HECW1: variants seen among roughly 807,000 people sequenced by gnomAD.
The protein encoded by HECW1 is HECT, C2 and WW domain containing E3 ubiquitin protein ligase 1, also known as E3 ubiquitin-protein ligase HECW1.
HECW1 carries 61 observed loss-of-function variants against 182.3 expected under a neutral mutation model. That is an observed-to-expected ratio of 0.33 (90% CI 0.27 to 0.41). HECW1 has a LOEUF of 0.41. HECW1 is among the 10% of genes least tolerant of loss of function. The probability of loss-of-function intolerance (pLI) is 1.00; values close to 1 mark genes in which losing one functional copy is unlikely to be tolerated. For missense variants in HECW1, 1,739 were observed against 2,108.9 expected (o/e 0.82, Z 3.44); for synonymous variants, 859 against 832.6 (o/e 1.03, Z -0.55).
intron 3 of HECW1, among the ~76,000 whole-genome samples, chr7:43,253,270 C>T (rs182584710): frequency 1.4e-4 from 21 of 152,246 alleles, no homozygotes; most frequent in African/African-American, 4.6e-4. Flanking sequence ...GAGAACTGAA[C>T]GGTAGCATGA....
chr7:43,379,539 C>T (rs920504497), intron 6 of HECW1, among the ~76,000 whole-genome samples: 4 of 152,186 alleles, frequency 2.6e-5, no homozygotes, highest in Non-Finnish European at 2.9e-5. Flanking sequence ...CAGAACTCTC[C>T]AGTGGCTTTT....
At chr7:43,266,057 G>A (rs973217938) in intron 3 of HECW1, among the ~76,000 whole-genome samples, 1 of 152,104 alleles carries the variant, frequency 6.6e-6, no homozygotes, top group Non-Finnish European at 1.5e-5. Context: ...GTTTTTTATG[G>A]AGGCTGCATT....
At chr7:43,249,333 G>C (rs1369524167) in intron 3 of HECW1, 1 of 152,466 alleles carries the variant, frequency 6.6e-6, no homozygotes, top group Non-Finnish European at 1.5e-5. Context: ...ACCACGCCGT[G>C]CGGGCTGCGA....
intron 6 of HECW1, among the ~76,000 whole-genome samples, chr7:43,362,753 G>A (rs1816126192): frequency 6.6e-6 from 1 of 152,262 alleles, no homozygotes; most frequent in Non-Finnish European, 1.5e-5. Context: ...ACAACAGGCA[G>A]AGAAGGAAGG....
chr7:43,341,425 G>T (rs1359848582), intron 5 of HECW1, among the ~76,000 whole-genome samples: 1 of 151,580 alleles, frequency 6.6e-6, no homozygotes, highest in Non-Finnish European at 1.5e-5. Context: ...ACATTAACAT[G>T]GGATTTATTC....
chr7:43,286,097 G>A (rs547800065), intron 3 of HECW1, among the ~76,000 whole-genome samples: 2 of 152,306 alleles, frequency 1.3e-5, no homozygotes, highest in Admixed American at 6.5e-5. Flanking sequence ...AAGCCAGAGG[G>A]TAAGTACATT....
chr7:43,501,176 TTTCTTTC>T, intron 20 of HECW1, 30 bp from the exon 21 acceptor site: 1 of 1,242,972 alleles, frequency 8.0e-7, no homozygotes. Context: ...CTGACTTTCT[TTTCTTTC>T]TTTTTTTTTT....
At position 43,360,978 on chromosome 7, in the gene HECW1, C is replaced by T. The variant is rs1243122953; in HGVS notation, c.553C>T (p.Pro185Ser). 6.2e-7 allele frequency: 1 copy of T among 1,605,864 alleles called. No homozygotes were observed. The highest frequency in any genetic ancestry group is 1.7e-5 in the Admixed American group (1 of 58,978). The change falls in exon 6 of 30, where the codon CCT becomes TCT. Residue 185 changes from proline (P) to serine (S), a missense_variant and splice_region_variant. Transcript: ENST00000395891. ...TGTCACGGTCAAAAACTCGGCAGCTCCTGTAAGTCTCATTTCTCCGTCTTT... is the reference window on the plus strand; with the variant it reads ...TGTCACGGTCAAAAACTCGGCAGCTTCTGTAAGTCTCATTTCTCCGTCTTT... ...PSVTVKNSAA[P>S]IFKSIGADET...
chr7:43,226,625 C>T (rs1280770372), intron 2 of HECW1, among the ~76,000 whole-genome samples: 1 of 152,160 alleles, frequency 6.6e-6, no homozygotes, highest in Non-Finnish European at 1.5e-5. Flanking sequence ...GTTCCAGATC[C>T]TTGACGAAGC....
intron 23 of HECW1, among the ~76,000 whole-genome samples, chr7:43,508,561 A>G (rs2079698722): frequency 6.6e-6 from 1 of 151,966 alleles, no homozygotes; most frequent in African/African-American, 2.4e-5. Context: ...ATGAACTTGG[A>G]AGCCTTTTCA....
chr7:43,466,145 G>A (rs1352674877), intron 14 of HECW1, among the ~76,000 whole-genome samples: 1 of 143,038 alleles, frequency 7.0e-6, no homozygotes, highest in Admixed American at 7.0e-5. Flanking sequence ...GGGAAAGAGA[G>A]AGAGAAAGAA....
intron 3 of HECW1, among the ~76,000 whole-genome samples, chr7:43,285,638 C>T (rs1458356749): frequency 6.6e-6 from 1 of 152,052 alleles, no homozygotes; most frequent in Non-Finnish European, 1.5e-5. Context: ...GGCAAGACCC[C>T]ATCTTTATTA....
intron 16 of HECW1, among the ~76,000 whole-genome samples, chr7:43,475,074 C>T (rs1177848079): frequency 6.6e-6 from 1 of 152,046 alleles, no homozygotes; most frequent in South Asian, 2.1e-4. Flanking sequence ...GTTGCACAAC[C>T]GTGAGAATTT....
intron 2 of HECW1, among the ~76,000 whole-genome samples, chr7:43,154,008 T>G (rs1005454367): frequency 6.6e-6 from 1 of 152,202 alleles, no homozygotes; most frequent in African/African-American, 2.4e-5. Context: ...GCCTTAATCT[T>G]GTTACTCAAA....
intron 2 of HECW1, among the ~76,000 whole-genome samples, chr7:43,121,164 G>A (rs1785571339): frequency 6.6e-6 from 1 of 152,176 alleles, no homozygotes; most frequent in Non-Finnish European, 1.5e-5. Context: ...GTTAAAGAGA[G>A]TGGCTAGCTT....
rs538698931 is a variant in HECW1 at position 43,362,905 on chromosome 7, C to A, written c.555+1925C>A. 1.2e-4 allele frequency among the ~76,000 whole-genome samples: 19 copies of A among 152,356 alleles called. No individual in the cohort carries two copies. The South Asian group carries it at 3.1e-3, about 25-fold the overall frequency. ...GGGCTGTGCCCACTGATGGGACTGG[C>A]CTGTTGGCTCAAGGCTCGTAGGGGA... is the stretch of plus-strand genomic sequence containing the variant. On this transcript the variant is annotated intron_variant, in intron 6 of 29. Coordinates refer to ENST00000395891, the MANE Select transcript of HECW1 (RefSeq NM_015052.5).
At chr7:43,399,989 A>C (rs755903162) in intron 7 of HECW1, among the ~76,000 whole-genome samples, 36 of 152,118 alleles carry the variant, frequency 2.4e-4, no homozygotes, top group Non-Finnish European at 3.5e-4. Flanking sequence ...TAATCCCAGC[A>C]CTTTGGGAGG....
chr7:43,384,578 T>C (rs1041668283), intron 6 of HECW1, among the ~76,000 whole-genome samples: 3 of 152,170 alleles, frequency 2.0e-5, no homozygotes, highest in Admixed American at 1.3e-4. Flanking sequence ...TAGATGGGAA[T>C]ACAACTTAGA....
rs183288474 is a variant in HECW1, at chr7:43,561,531, A to G, written c.4710-284A>G. Among the ~76,000 whole-genome samples, 8 of 152,382 alleles carry G rather than the reference A, an allele frequency of 5.2e-5. No individual in the cohort carries two copies. In the East Asian group the frequency reaches 1.5e-3, roughly 29 times the overall value. ...AAAATTTGTAACTCATTTGCAAATC[A>G]GGCTGATACCATAGAGTTTATAATC... On this transcript the variant is annotated intron_variant, in intron 29 of 29. Transcript: ENST00000395891.
Sources: gnomAD v4.1 joint callset for allele counts (sites outside exome capture counted in the v4.1 genomes callset) on GRCh38, gnomAD v4.1.1 for gene constraint, MANE v1.5 for transcripts, NCBI Gene and HGNC (gene_info 2026-07-23, HGNC 2026-07-21) for gene names.